AGBL4: variants seen among roughly 807,000 people sequenced by gnomAD.
AGBL4 encodes the protein AGBL carboxypeptidase 4, also known as cytosolic carboxypeptidase 6.
AGBL4 carries 58 observed loss-of-function variants against 66.4 expected under a neutral mutation model. The observed-to-expected ratio is 0.87, with a 90% CI of 0.71 to 1.09. AGBL4 has a LOEUF of 1.09. AGBL4 is among the 50% of genes least tolerant of loss of function. The pLI is 0.00. For missense variants in AGBL4, 579 were observed against 631.0 expected, an observed-to-expected ratio of 0.92 and a Z score of 0.88; for synonymous variants, 234 against 222.9, an observed-to-expected ratio of 1.05 and a Z score of -0.44.
At chr1:49,696,377 T>A (rs1372387146) in intron 3 of AGBL4, among the ~76,000 whole-genome samples, 1 of 152,088 alleles carries the variant, frequency 6.6e-6, no homozygotes, top group Non-Finnish European at 1.5e-5. Context: ...ATTAAAAAAA[T>A]GTAGCTGAAG....
chr1:49,822,672 T>C lies in AGBL4; in HGVS notation c.157+28724A>G, dbSNP rs1645401600. Among the ~76,000 whole-genome samples, 4 of 152,302 alleles carry C rather than the reference T, an allele frequency of 2.6e-5. No individual in the cohort carries two copies. In the South Asian group the frequency reaches 8.3e-4, roughly 32 times the overall value. ...ATCTTACTCCAAATTTATACATAAG[T>C]ATGATATTCATTATACAAACTCATA... On this transcript the variant is annotated intron_variant, in intron 2 of 13. Transcript: ENST00000371839.
chr1:49,235,533 T>C (rs1010276760), intron 4 of AGBL4, among the ~76,000 whole-genome samples: 1 of 152,218 alleles, frequency 6.6e-6, no homozygotes, highest in Non-Finnish European at 1.5e-5. Context: ...CCCAAGGCTC[T>C]GTTGTGTACT....
intron 5 of AGBL4, among the ~76,000 whole-genome samples, chr1:48,868,587 C>T (rs992720587): frequency 6.6e-6 from 1 of 152,010 alleles, no homozygotes; most frequent in Non-Finnish European, 1.5e-5. Flanking sequence ...TAGCATGATG[C>T]CTGGTACTTA....
intron 1 of AGBL4, among the ~76,000 whole-genome samples, chr1:49,937,678 T>G (rs931136661): frequency 2.6e-5 from 4 of 152,150 alleles, no homozygotes; most frequent in African/African-American, 9.7e-5. Flanking sequence ...AACGCAGGAT[T>G]AAGAATCTCA....
chr1:48,988,217 C>T (rs1421623556), intron 5 of AGBL4, among the ~76,000 whole-genome samples: 4 of 151,954 alleles, frequency 2.6e-5, no homozygotes, highest in African/African-American at 4.8e-5. Context: ...TTTTTCCTAC[C>T]CATTCCATGA....
intron 5 of AGBL4, among the ~76,000 whole-genome samples, chr1:48,952,535 G>A (rs527874646): frequency 1.3e-5 from 2 of 152,320 alleles, no homozygotes; most frequent in Admixed American, 1.3e-4. Context: ...TCAAAAGCAA[G>A]AGACTAAATG....
At chr1:49,355,126 T>A (rs555834194) in intron 3 of AGBL4, among the ~76,000 whole-genome samples, 17 of 152,306 alleles carry the variant, frequency 1.1e-4, no homozygotes, top group African/African-American at 3.8e-4. Flanking sequence ...TAGCCAGGAA[T>A]CAACTTTTCG....
intron 3 of AGBL4, among the ~76,000 whole-genome samples, chr1:49,342,852 C>T (rs1645567276): frequency 6.6e-6 from 1 of 152,172 alleles, no homozygotes. Flanking sequence ...CTTACCACCT[C>T]TTTGAAAATA....
chr1:48,853,038 AG>A (rs1647068299), intron 6 of AGBL4, among the ~76,000 whole-genome samples: 1 of 152,304 alleles, frequency 6.6e-6, no homozygotes, highest in East Asian at 1.9e-4. Flanking sequence ...TAGAAATGAT[AG>A]GCTATGGCTT....
At chr1:49,462,590 G>T (rs1243469438) in intron 3 of AGBL4, among the ~76,000 whole-genome samples, 1 of 151,698 alleles carries the variant, frequency 6.6e-6, no homozygotes, top group Admixed American at 6.6e-5. Flanking sequence ...TCAAAAAATA[G>T]CTTAAAGCTT....
At chr1:49,424,876 T>C (rs959221242) in intron 3 of AGBL4, among the ~76,000 whole-genome samples, 2 of 152,140 alleles carry the variant, frequency 1.3e-5, no homozygotes, top group Non-Finnish European at 1.5e-5. Context: ...TGAAATTTAC[T>C]TCCTAGGTAA....
intron 2 of AGBL4, among the ~76,000 whole-genome samples, chr1:49,792,566 A>C (rs2147930977): frequency 6.6e-6 from 1 of 152,256 alleles, no homozygotes; most frequent in South Asian, 2.1e-4. Context: ...GAAAGCCAGA[A>C]GATAGCTGGG....
At chr1:50,019,508 AC>A (rs911294880) in intron 1 of AGBL4, among the ~76,000 whole-genome samples, 1 of 152,014 alleles carries the variant, frequency 6.6e-6, no homozygotes, top group Non-Finnish European at 1.5e-5. Context: ...AACCACTAAC[AC>A]AAGCTATCAA....
At chr1:49,988,828 C>T (rs748768207) in intron 1 of AGBL4, among the ~76,000 whole-genome samples, 3 of 152,122 alleles carry the variant, frequency 2.0e-5, no homozygotes, top group Non-Finnish European at 2.9e-5. Context: ...GGAGTAGTAA[C>T]TGCAAGAGGA....
chr1:49,134,483 C>G (rs895834545), intron 4 of AGBL4, among the ~76,000 whole-genome samples: 8 of 124,670 alleles, frequency 6.4e-5, no homozygotes, highest in Non-Finnish European at 1.3e-4. Context: ...GGGCCCCCCC[C>G]CCCCCACCCC....
intron 3 of AGBL4, among the ~76,000 whole-genome samples, chr1:49,589,455 T>C (rs955843214): frequency 6.6e-6 from 1 of 152,036 alleles, no homozygotes; most frequent in Non-Finnish European, 1.5e-5. Flanking sequence ...ACTGCATAAT[T>C]GATAAAACCC....
At chr1:49,903,121 A>T (rs1557563807) in intron 1 of AGBL4, among the ~76,000 whole-genome samples, 1 of 152,224 alleles carries the variant, frequency 6.6e-6, no homozygotes. Flanking sequence ...AGAGTGGATA[A>T]AGAAAAGGTG....
chr1:48,960,441 T>A (rs1657871597), intron 5 of AGBL4, among the ~76,000 whole-genome samples: 1 of 152,064 alleles, frequency 6.6e-6, no homozygotes, highest in South Asian at 2.1e-4. Flanking sequence ...ATAGAGACAA[T>A]AAATTTAGGA....
At chr1:48,910,413 C>A (rs2148880053) in intron 5 of AGBL4, among the ~76,000 whole-genome samples, 1 of 152,248 alleles carries the variant, frequency 6.6e-6, no homozygotes, top group Non-Finnish European at 1.5e-5. Flanking sequence ...TCATTGAAGA[C>A]TTTTGGTGTG....
Sources: gnomAD v4.1 joint callset for allele counts (sites outside exome capture counted in the v4.1 genomes callset) on GRCh38, gnomAD v4.1.1 for gene constraint, MANE v1.5 for transcripts, NCBI Gene and HGNC (gene_info 2026-07-23, HGNC 2026-07-21) for gene names.